Variants in ZNF678 observed in about 807,000 individuals in gnomAD.
ZNF678 encodes zinc finger protein 678, also known as hypothetical protein MGC42493.
A neutral mutation model predicts 3.0 loss-of-function variants in ZNF678; 5 were observed. The ratio of observed to expected loss-of-function variants is 1.69; its 90% confidence interval spans 0.88 to 3.56. The LOEUF is 3.56. Among genes scored for constraint, ZNF678 ranks in the 30% most tolerant of loss-of-function variants. The pLI is 0.00. For missense variants in ZNF678, 593 were observed against 605.0 expected (o/e 0.98, Z 0.21); for synonymous variants, 218 against 199.6 (o/e 1.09, Z -0.78).
At chr1:227,572,769 CT>C (rs1656883483) in intron 1 of ZNF678, among the ~76,000 whole-genome samples, 1 of 152,246 alleles carries the variant, frequency 6.6e-6, no homozygotes, top group African/African-American at 2.4e-5. Flanking sequence ...GCAATGATTG[CT>C]GCATGCCCAC....
chr1:227,645,601 C>T (rs1486903960), intron 1 of ZNF678, among the ~76,000 whole-genome samples: 1 of 152,136 alleles, frequency 6.6e-6, no homozygotes, highest in Non-Finnish European at 1.5e-5. Flanking sequence ...ATCTGTTGAA[C>T]ATAGGCAGGT....
At chr1:227,624,788 A>T (rs747281996) in intron 1 of ZNF678, among the ~76,000 whole-genome samples, 1 of 152,172 alleles carries the variant, frequency 6.6e-6, no homozygotes, top group Non-Finnish European at 1.5e-5. Context: ...CCTGATTGGG[A>T]GCGGCAGTGG....
At chr1:227,633,189 T>C (rs1458647069) in intron 1 of ZNF678, among the ~76,000 whole-genome samples, 11 of 152,084 alleles carry the variant, frequency 7.2e-5, no homozygotes, top group Non-Finnish European at 1.6e-4. Context: ...GGACAGCAAG[T>C]GAAAGCTCAG....
chr1:227,622,988 A>G (rs1658317374), intron 1 of ZNF678, among the ~76,000 whole-genome samples: 1 of 152,210 alleles, frequency 6.6e-6, no homozygotes, highest in African/African-American at 2.4e-5. Context: ...GGTATGGTTC[A>G]CCCTATCTAT....
intron 1 of ZNF678, among the ~76,000 whole-genome samples, chr1:227,585,557 G>A (rs1201237994): frequency 6.6e-6 from 1 of 152,154 alleles, no homozygotes; most frequent in Non-Finnish European, 1.5e-5. Flanking sequence ...GGCAGATCAC[G>A]AGGTCAAGAG....
intron 1 of ZNF678, among the ~76,000 whole-genome samples, chr1:227,608,554 G>A (rs753406126): frequency 1.3e-5 from 2 of 151,960 alleles, no homozygotes; most frequent in Non-Finnish European, 2.9e-5. Flanking sequence ...ACTAATATAT[G>A]GTACACTGTT....
At chr1:227,642,647 A>T (rs1052944764) in intron 1 of ZNF678, among the ~76,000 whole-genome samples, 1 of 151,960 alleles carries the variant, frequency 6.6e-6, no homozygotes, top group Non-Finnish European at 1.5e-5. Flanking sequence ...TGCCTGATTC[A>T]TCATGGGGAT....
intron 1 of ZNF678, among the ~76,000 whole-genome samples, chr1:227,632,723 A>T (rs4376731): frequency 1.3e-5 from 2 of 152,058 alleles, no homozygotes; most frequent in East Asian, 1.9e-4. Context: ...ATTCTAAGGA[A>T]GGATAGGACA....
chr1:227,608,307 GA>G (rs1349663735), intron 1 of ZNF678, among the ~76,000 whole-genome samples: 1 of 151,924 alleles, frequency 6.6e-6, no homozygotes, highest in Middle Eastern at 3.2e-3. Flanking sequence ...TGAGTACTAA[GA>G]AGGAAGCATG....
chr1:227,611,572 A>C (rs1393153742), intron 1 of ZNF678, among the ~76,000 whole-genome samples: 2 of 152,178 alleles, frequency 1.3e-5, no homozygotes, highest in Non-Finnish European at 2.9e-5. Flanking sequence ...TCTCAAGAAG[A>C]AGCTATAAGA....
At chr1:227,608,692 A>G (rs1344720913) in intron 1 of ZNF678, among the ~76,000 whole-genome samples, 1 of 152,206 alleles carries the variant, frequency 6.6e-6, no homozygotes, top group African/African-American at 2.4e-5. Context: ...TATAACAGCA[A>G]GTTTCTTCTA....
chr1:227,607,796 T>A (rs1184135638), intron 1 of ZNF678, among the ~76,000 whole-genome samples: 3 of 147,458 alleles, frequency 2.0e-5, no homozygotes, highest in South Asian at 4.3e-4. Flanking sequence ...TAATATATGC[T>A]ATATTATTTA....
At chr1:227,590,258 C>T (rs541398832) in intron 1 of ZNF678, among the ~76,000 whole-genome samples, 6 of 151,908 alleles carry the variant, frequency 3.9e-5, no homozygotes, top group African/African-American at 9.7e-5. Context: ...ACTGTATCTT[C>T]GACTACTTGC....
Position 227,659,470 on chromosome 1 carries a change from G to A in ZNF678, c.*3642G>A, listed in dbSNP as rs576458564. 9 of 152,030 alleles carry A rather than the reference G, an allele frequency of 5.9e-5. No homozygotes were observed. Among genetic ancestry groups the A allele is most frequent in the Admixed American group, 1.3e-4 (2 of 15,246 alleles). 9.4% of individuals were successfully genotyped at this position (152,030 alleles called of 1,614,324 possible). A position where few individuals can be genotyped will look rare whatever the true frequency, so the allele number is the denominator to read the frequency against. ...TAGCACCACCTGCTTCTTTAATGTC[G>A]TCCATATGATCAGCATCAGCACCAG... is the stretch of plus-strand genomic sequence containing the variant. On this transcript the variant is annotated 3_prime_UTR_variant, in exon 4 of 4. Coordinates refer to ENST00000343776, the MANE Select transcript of ZNF678 (RefSeq NM_001367909.1).
Position 227,596,516 on chromosome 1 carries a change from A to G in ZNF678, c.-164+32792A>G, listed in dbSNP as rs939093329. On this transcript the variant is annotated intron_variant, in intron 1 of 3. Transcript: ENST00000343776. Reference sequence around the variant, plus strand: ...ACATAACCAGTTGGGTCAGGTGTCTATCTTTAACTACCACACCCAGAGCCT... The same window carrying G: ...ACATAACCAGTTGGGTCAGGTGTCTGTCTTTAACTACCACACCCAGAGCCT... 5.3e-5 allele frequency among the ~76,000 whole-genome samples: 8 copies of G among 152,294 alleles called. 1 individual carries two copies. Among genetic ancestry groups the G allele is most frequent in the East Asian group, 3.9e-4 (2 of 5,182 alleles).
At chr1:227,622,918 T>G (rs114608105) in intron 1 of ZNF678, among the ~76,000 whole-genome samples, 85 of 152,338 alleles carry the variant, frequency 5.6e-4, no homozygotes, top group African/African-American at 2.0e-3. Flanking sequence ...GATCAATACA[T>G]GCTTCTTACT....
At chr1:227,630,132 C>T (rs1005603685) in intron 1 of ZNF678, among the ~76,000 whole-genome samples, 1 of 152,160 alleles carries the variant, frequency 6.6e-6, no homozygotes, top group Non-Finnish European at 1.5e-5. Context: ...ATTAGTTGGC[C>T]TTCAATAGAG....
chr1:227,591,800 C>G (rs1657421078), intron 1 of ZNF678, among the ~76,000 whole-genome samples: 1 of 152,156 alleles, frequency 6.6e-6, no homozygotes, highest in Admixed American at 6.5e-5. Flanking sequence ...ACCATAGCAA[C>G]CTTTTCTCCT....
In ZNF678 at chr1:227,658,770, G is replaced by A. The variant is rs1659322478; in HGVS notation, c.*2942G>A. 6.6e-6 allele frequency: 1 copy of A among 152,022 alleles called. No individual in the cohort carries two copies. Among genetic ancestry groups the A allele is most frequent in the Non-Finnish European group, 1.5e-5 (1 of 67,970 alleles). 9.4% of individuals were successfully genotyped at this position (152,022 alleles called of 1,614,324 possible). A position where few individuals can be genotyped will look rare whatever the true frequency, so the allele number is the denominator to read the frequency against. ...ATCATTTAATTGGCATAATTGGGAT[G>A]TACTCTACACAGTTTATAGGATTAA... On this transcript the variant is annotated 3_prime_UTR_variant, in exon 4 of 4. Transcript: ENST00000343776.
Sources: allele counts gnomAD v4.1 joint callset (sites outside exome capture counted in the v4.1 genomes callset), GRCh38; gene constraint gnomAD v4.1.1; transcripts MANE v1.5; gene names NCBI Gene and HGNC (gene_info 2026-07-23, HGNC 2026-07-21).